NRXN1: variants seen among roughly 807,000 people sequenced by gnomAD.
The protein encoded by NRXN1 is neurexin-1.
Under a neutral mutation model 150.9 loss-of-function variants are expected in NRXN1, and 39 were observed. The ratio of observed to expected loss-of-function variants is 0.26; its 90% confidence interval spans 0.20 to 0.34. NRXN1 has a LOEUF of 0.34. NRXN1 is among the 10% of genes least tolerant of loss of function. NRXN1 has a pLI of 1.00. For missense variants in NRXN1, 1,815 were observed against 1,949.9 expected (o/e 0.93, Z 1.30); for synonymous variants, 924 against 757.0 (o/e 1.22, Z -3.62).
At chr2:50,006,271 C>G (rs1391444285) in intron 21 of NRXN1, among the ~76,000 whole-genome samples, 1 of 152,110 alleles carries the variant, frequency 6.6e-6, no homozygotes, top group South Asian at 2.1e-4. Context: ...CTTGAACTAC[C>G]GCACTTGCTT....
rs565448838 is a variant in NRXN1 at position 50,762,915 on chromosome 2, A to T, written c.833-139300T>A. ...CCTGCACGATTACTTGAAGTTCTCA[A>T]AGTGGTGCAAGCTTCTTGCTTTAGA... On this transcript the variant is annotated intron_variant, in intron 5 of 22. Coordinates refer to ENST00000401669, the MANE Select transcript of NRXN1 (RefSeq NM_001330078.2). 1.2e-4 allele frequency among the ~76,000 whole-genome samples: 19 copies of T among 152,006 alleles called. 1 individual carries two copies. The South Asian group carries it at 3.7e-3, about 30-fold the overall frequency.
chr2:50,246,828 TTATAA>T (rs1332197628), intron 17 of NRXN1, among the ~76,000 whole-genome samples: 6 of 152,108 alleles, frequency 3.9e-5, no homozygotes, highest in African/African-American at 7.2e-5. Context: ...TTTTGAACTA[TTATAA>T]TATATGAGAA....
At chr2:50,210,925 T>C (rs932069655) in intron 18 of NRXN1, among the ~76,000 whole-genome samples, 1 of 151,754 alleles carries the variant, frequency 6.6e-6, no homozygotes, top group African/African-American at 2.4e-5. Context: ...ACACACACTA[T>C]TTAAGTGGTT....
chr2:50,218,145 C>A (rs1030152391), intron 18 of NRXN1, among the ~76,000 whole-genome samples: 1 of 152,012 alleles, frequency 6.6e-6, no homozygotes, highest in African/African-American at 2.4e-5. Context: ...GTCTTTACAT[C>A]ATTTTATTAA....
In NRXN1 at chr2:50,346,318, T is replaced by C. The variant is rs1200091621; in HGVS notation, c.3365-109348A>G. ...AGGTTCTGCAGAGCCCTCTTCTCTC[T>C]GGTGCTCAGGTCCCTTAGCTGAGCG... On this transcript the variant is annotated intron_variant, in intron 17 of 22. Transcript: ENST00000401669. This position sits in a 1 kb window ranked among gnomAD's most constrained non-coding sequence, Gnocchi z 5.0. Among the ~76,000 whole-genome samples, 1 of 152,152 alleles carries C rather than the reference T, an allele frequency of 6.6e-6. No individual in the cohort carries two copies. Among genetic ancestry groups the C allele is most frequent in the Admixed American group, 6.5e-5 (1 of 15,278 alleles).
intron 19 of NRXN1, among the ~76,000 whole-genome samples, chr2:50,057,854 A>AT: frequency 6.6e-6 from 1 of 152,224 alleles, no homozygotes; most frequent in East Asian, 1.9e-4. Flanking sequence ...TTATAATTTT[A>AT]TTTTTTGATG....
chr2:50,818,456 T>G (rs1669246069), intron 5 of NRXN1, among the ~76,000 whole-genome samples: 1 of 151,970 alleles, frequency 6.6e-6, no homozygotes, highest in African/African-American at 2.4e-5. Flanking sequence ...TTTAATTTTT[T>G]ATTTTTTTAT....
intron 2 of NRXN1, chr2:50,979,349 C>A (rs946724725): frequency 4.2e-6 from 2 of 478,798 alleles, no homozygotes; most frequent in Admixed American, 2.3e-5. Context: ...AGCACAGTAT[C>A]CTCCTTGTTT....
chr2:50,683,761 G>A (rs1028831135), intron 5 of NRXN1, among the ~76,000 whole-genome samples: 1 of 148,372 alleles, frequency 6.7e-6, no homozygotes, highest in Admixed American at 6.8e-5. Flanking sequence ...AGGACTGACT[G>A]TATTACAGCA....
intron 17 of NRXN1, among the ~76,000 whole-genome samples, chr2:50,263,471 G>A (rs1402155005): frequency 6.6e-6 from 1 of 151,950 alleles, no homozygotes; most frequent in Non-Finnish European, 1.5e-5. Context: ...TAGCTATTAG[G>A]TCTTCAAACA....
intron 5 of NRXN1, among the ~76,000 whole-genome samples, chr2:50,714,687 T>C (rs369563514): frequency 2.0e-5 from 3 of 152,130 alleles, no homozygotes; most frequent in South Asian, 2.1e-4. Context: ...GCTATTTCCT[T>C]ATCTTCTGAC....
At chr2:50,385,237 G>A (rs981899421) in intron 17 of NRXN1, among the ~76,000 whole-genome samples, 2 of 152,168 alleles carry the variant, frequency 1.3e-5, no homozygotes, top group Non-Finnish European at 2.9e-5. Context: ...TGCAGTCTGT[G>A]CATCAATGCA....
rs561448393 is a variant in NRXN1 at position 50,053,033 on chromosome 2, T to C, written c.4128+238A>G. Among the ~76,000 whole-genome samples, 5 of 152,244 alleles carry C rather than the reference T, an allele frequency of 3.3e-5. No homozygotes were observed. In the East Asian group the frequency reaches 9.7e-4, roughly 29 times the overall value. On this transcript the variant is annotated intron_variant, in intron 21 of 22. Transcript: ENST00000401669. ...GAGGAGGGTTATGGAATCAAGACTA[T>C]CATTTAGCATCTAACAAACCAAAAC...
At chr2:50,096,993 T>C (rs555066817) in intron 18 of NRXN1, among the ~76,000 whole-genome samples, 2 of 152,340 alleles carry the variant, frequency 1.3e-5, no homozygotes, top group Admixed American at 1.3e-4. Flanking sequence ...GCATATATAA[T>C]ATGTGCCTAT....
chr2:50,010,139 G>T (rs1482228322), intron 21 of NRXN1, among the ~76,000 whole-genome samples: 1 of 138,620 alleles, frequency 7.2e-6, no homozygotes. Flanking sequence ...AAAACAAAAC[G>T]AACTCAAGTT....
chr2:50,056,803 T>C (rs542735650), intron 19 of NRXN1, among the ~76,000 whole-genome samples: 1 of 152,270 alleles, frequency 6.6e-6, no homozygotes, highest in Admixed American at 6.5e-5. Flanking sequence ...TGAAAAGCAA[T>C]CACAAAATAT....
chr2:50,539,173 G>C (rs2093335507), intron 9 of NRXN1, among the ~76,000 whole-genome samples: 2 of 147,454 alleles, frequency 1.4e-5, no homozygotes, highest in Admixed American at 1.3e-4. Flanking sequence ...ACATAGTTTT[G>C]TTTCCCTTAC....
intron 21 of NRXN1, chr2:50,019,354 G>C (rs1687128690): frequency 2.1e-6 from 1 of 470,550 alleles, no homozygotes; most frequent in African/African-American, 2.0e-5. Context: ...GTACTTAAGA[G>C]CTAGGTCGGG....
intron 18 of NRXN1, among the ~76,000 whole-genome samples, chr2:50,221,023 G>C (rs1183032398): frequency 6.6e-6 from 1 of 151,988 alleles, no homozygotes; most frequent in African/African-American, 2.4e-5. Context: ...CCATATTGCA[G>C]AGCATCCTTG....
Sources: gnomAD v4.1 joint callset for allele counts (sites outside exome capture counted in the v4.1 genomes callset) on GRCh38, gnomAD v4.1.1 for gene constraint, Gnocchi (gnomAD v3.1) non-coding constraint, MANE v1.5 for transcripts, NCBI Gene and HGNC (gene_info 2026-07-23, HGNC 2026-07-21) for gene names.